Variants in ATP2C2 observed in about 807,000 individuals in gnomAD.
ATP2C2 encodes the protein ATPase secretory pathway Ca2+ transporting 2.
In ATP2C2, 171 loss-of-function variants were observed where a neutral mutation model predicts 110.8. The observed-to-expected ratio is 1.54, with a 90% confidence interval of 1.36 to 1.75. The LOEUF (loss-of-function observed/expected upper bound fraction) is 1.75, where lower values mean the gene tolerates loss of function less well. Among genes scored for constraint, ATP2C2 ranks in the 40% most tolerant of loss-of-function variants. ATP2C2 has a pLI of 0.00. For synonymous variants in ATP2C2, 804 were observed against 508.4 expected, an observed-to-expected ratio of 1.58 and a Z score of -7.82; for missense variants, 1,963 against 1,235.0, an observed-to-expected ratio of 1.59 and a Z score of -8.84.
At chr16:84,445,747 C>T (rs533451383) in intron 15 of ATP2C2, among the ~76,000 whole-genome samples, 9 of 152,354 alleles carry the variant, frequency 5.9e-5, no homozygotes, top group African/African-American at 9.6e-5. Flanking sequence ...CTGTATTGTA[C>T]GCATATCTGC....
At chr16:84,461,676 T>C (rs1188271632) in intron 24 of ATP2C2, 38 bp from the exon 25 acceptor site, 1 of 1,581,168 alleles carries the variant, frequency 6.3e-7, no homozygotes, top group African/African-American at 1.3e-5. Flanking sequence ...AGGTTGTCTC[T>C]TCCCGCCTAA....
In ATP2C2 at chr16:84,460,782, T is replaced by C; in HGVS notation, c.2462T>C (p.Leu821Pro). Residue 821 changes from leucine (L) to proline (P), a missense_variant, in exon 24 of 27, where the codon CTC becomes CCC. By Grantham distance (98) the Leu-to-Pro change is moderately conservative (BLOSUM62 -3). Transcript: ENST00000262429. ...MSAAIIISGTLFIFWKEMPED... is the reference protein window; with the variant it reads ...MSAAIIISGTPFIFWKEMPED... ...GCGGCCATCATCATCAGCGGGACCCTCTTTATCTTCTGGAAGGAGGTGAGC... is the reference window on the plus strand; with the variant it reads ...GCGGCCATCATCATCAGCGGGACCCCCTTTATCTTCTGGAAGGAGGTGAGC... 6.2e-7 allele frequency: 1 copy of C among 1,613,294 alleles called. No individual in the cohort carries two copies. The highest frequency in any genetic ancestry group is 8.5e-7 in the Non-Finnish European group (1 of 1,179,336).
chr16:84,371,828 G>T (rs1909972785), intron 1 of ATP2C2, among the ~76,000 whole-genome samples: 1 of 152,152 alleles, frequency 6.6e-6, no homozygotes, highest in Non-Finnish European at 1.5e-5. Flanking sequence ...ATTCACGGAG[G>T]GGGCTCCCTC....
rs879555735 is a variant in ATP2C2, at chr16:84,453,077, C to T, written c.1832-61C>T. The stretch of plus-strand genomic sequence containing the variant: ...GTGTTCCCCATGGCCGAGGTGGGGC[C>T]GGGAGTGAGGGGTGGGGACGCGGGC... On this transcript the variant is annotated intron_variant, in intron 18 of 26. Coordinates refer to ENST00000262429, the MANE Select transcript of ATP2C2 (RefSeq NM_014861.4). 2.2e-5 allele frequency: 33 copies of T among 1,516,634 alleles called. 1 individual carries two copies. In the East Asian group the frequency reaches 4.2e-4, roughly 19 times the overall value. The allele number at this position is 1,516,634 out of a possible 1,614,324, so 93.9% of individuals were successfully genotyped here.
intron 4 of ATP2C2, 85 bp from the exon 5 acceptor site, chr16:84,410,483 T>C: frequency 1.4e-6 from 2 of 1,446,480 alleles, no homozygotes; most frequent in Non-Finnish European, 1.9e-6. Flanking sequence ...AATCAATCAT[T>C]AAAGACAAGC....
intron 7 of ATP2C2, among the ~76,000 whole-genome samples, chr16:84,416,767 C>T (rs1036721610): frequency 2.6e-5 from 4 of 152,178 alleles, no homozygotes; most frequent in African/African-American, 9.7e-5. Flanking sequence ...CCCCGCCTCT[C>T]CCCGTGTTCA....
chr16:84,436,087 C>T (rs569253704), intron 11 of ATP2C2, among the ~76,000 whole-genome samples: 1 of 148,702 alleles, frequency 6.7e-6, no homozygotes, highest in South Asian at 2.2e-4. Flanking sequence ...TGAGACTGCA[C>T]CACTGCACTC....
intron 17 of ATP2C2, among the ~76,000 whole-genome samples, chr16:84,449,250 C>T (rs1432969983): frequency 6.6e-6 from 1 of 152,210 alleles, no homozygotes; most frequent in Non-Finnish European, 1.5e-5. Flanking sequence ...GGCTCAGGAG[C>T]CTTGGTTTTC....
chr16:84,400,304 A>G (rs1331164662), intron 2 of ATP2C2, among the ~76,000 whole-genome samples: 1 of 151,318 alleles, frequency 6.6e-6, no homozygotes, highest in East Asian at 1.9e-4. Flanking sequence ...TGGGGATCAT[A>G]TAATAGTTGT....
intron 1 of ATP2C2, among the ~76,000 whole-genome samples, chr16:84,374,022 T>C (rs551253321): frequency 2.4e-4 from 36 of 152,368 alleles, no homozygotes; most frequent in African/African-American, 8.7e-4. Flanking sequence ...TGTCATCTGA[T>C]AACCGTAGAA....
chr16:84,424,576 CTTTTTTTTTT>C (rs371614449), intron 10 of ATP2C2, among the ~76,000 whole-genome samples: 1 of 114,868 alleles, frequency 8.7e-6, no homozygotes, highest in African/African-American at 4.0e-5. Context: ...CCGCACTGGG[CTTTTTTTTTT>C]TTTTTTTTTT....
chr16:84,400,626 G>A (rs1399649120), intron 2 of ATP2C2, among the ~76,000 whole-genome samples: 1 of 151,960 alleles, frequency 6.6e-6, no homozygotes, highest in African/African-American at 2.4e-5. Flanking sequence ...CGCGCCCAGC[G>A]TATTTTTAGT....
intron 2 of ATP2C2, among the ~76,000 whole-genome samples, chr16:84,399,040 G>T (rs574960864): frequency 6.6e-6 from 1 of 152,206 alleles, no homozygotes; most frequent in African/African-American, 2.4e-5. Flanking sequence ...TATAATCCGT[G>T]GAGTTGCCAG....
intron 15 of ATP2C2, among the ~76,000 whole-genome samples, chr16:84,443,033 C>G (rs1040562615): frequency 6.6e-5 from 10 of 152,218 alleles, no homozygotes; most frequent in African/African-American, 2.4e-4. Flanking sequence ...CAGGGTTGCC[C>G]CAGGCCATTC....
chr16:84,409,504 G>A (rs962936193), intron 4 of ATP2C2, among the ~76,000 whole-genome samples: 1 of 152,034 alleles, frequency 6.6e-6, no homozygotes, highest in African/African-American at 2.4e-5. Flanking sequence ...GGCTTCTCCT[G>A]AGCACATTTT....
chr16:84,427,282 G>T (rs1411783254), intron 11 of ATP2C2, among the ~76,000 whole-genome samples: 1 of 152,070 alleles, frequency 6.6e-6, no homozygotes, highest in Non-Finnish European at 1.5e-5. Context: ...AACAACTTAG[G>T]TACAGTGGAA....
intron 10 of ATP2C2, among the ~76,000 whole-genome samples, chr16:84,423,912 G>A (rs142372888): frequency 6.6e-6 from 1 of 152,328 alleles, no homozygotes; most frequent in East Asian, 1.9e-4. Flanking sequence ...CTGCGGTTCT[G>A]AATCTAGATC....
At chr16:84,460,972 G>C in intron 24 of ATP2C2, 171 bp downstream of exon 24, 1 of 988,060 alleles carries the variant, frequency 1.0e-6, no homozygotes, top group Non-Finnish European at 1.4e-6. Context: ...AAAGGGACTG[G>C]GTGACCCTTG....
At chr16:84,394,879 G>A (rs997854470) in intron 1 of ATP2C2, among the ~76,000 whole-genome samples, 30 of 152,240 alleles carry the variant, frequency 2.0e-4, no homozygotes, top group African/African-American at 7.0e-4. Context: ...TTTCTGTAAA[G>A]ATGCCCTCCA....
Sources: gnomAD v4.1 joint callset for allele counts (sites outside exome capture counted in the v4.1 genomes callset) on GRCh38, gnomAD v4.1.1 for gene constraint, MANE v1.5 for transcripts, NCBI Gene and HGNC (gene_info 2026-07-23, HGNC 2026-07-21) for gene names.